The following ARAP3 variants were observed in gnomAD, a reference collection of about 807,000 sequenced individuals.
The protein encoded by ARAP3 is ArfGAP with RhoGAP domain, ankyrin repeat and PH domain 3, also known as arf-GAP with Rho-GAP domain, ANK repeat and PH domain-containing protein 3.
Under a neutral mutation model 169.2 loss-of-function variants are expected in ARAP3, and 82 were observed. The observed-to-expected ratio is 0.48, with a 90% CI of 0.41 to 0.58. The LOEUF (loss-of-function observed/expected upper bound fraction) is 0.58. Ranked by LOEUF, ARAP3 falls within the 20% of genes least tolerant of loss-of-function variation. The pLI is 0.00. For missense variants in ARAP3, 1,764 were observed against 2,018.0 expected (o/e 0.87, Z 2.41); for synonymous variants, 791 against 800.3 (o/e 0.99, Z 0.20).
chr5:141,678,401 G>T (rs2099912499), intron 4 of ARAP3, among the ~76,000 whole-genome samples: 1 of 152,086 alleles, frequency 6.6e-6, no homozygotes, highest in African/African-American at 2.4e-5. Context: ...CCAATCACTT[G>T]CCCTACCGGG....
chr5:141,659,662 T>C lies in ARAP3; in HGVS notation c.3267+117A>G, dbSNP rs547989416. The C allele has an allele frequency of 1.3e-5, 19 of 1,443,376 alleles. No individual in the cohort carries two copies. The East Asian group carries it at 3.7e-4, about 28-fold the overall frequency. 89.4% of individuals were successfully genotyped at this position (1,443,376 alleles called of 1,614,324 possible). A position where few individuals can be genotyped will look rare whatever the true frequency, so the allele number is the denominator to read the frequency against. ...GGGCTCTGGGAGGTAGTTCCTGGTATAGCTGGCCACCAGAGGCCTGGGCTG... is the reference window on the plus strand; with the variant it reads ...GGGCTCTGGGAGGTAGTTCCTGGTACAGCTGGCCACCAGAGGCCTGGGCTG... On this transcript the variant is annotated intron_variant, in intron 22 of 32. Coordinates refer to ENST00000239440, the MANE Select transcript of ARAP3 (RefSeq NM_022481.6).
chr5:141,662,900 TAAC>T (rs1214337707), intron 19 of ARAP3, among the ~76,000 whole-genome samples: 1 of 152,108 alleles, frequency 6.6e-6, no homozygotes, highest in Non-Finnish European at 1.5e-5. Context: ...AGTTCAGTGT[TAAC>T]AAATCAAACA....
At chr5:141,656,977 G>A in intron 25 of ARAP3, 131 bp from the exon 26 acceptor site, 1 of 1,308,350 alleles carries the variant, frequency 7.6e-7, no homozygotes, top group South Asian at 1.5e-5. Flanking sequence ...CTCTATGCCA[G>A]GAACTGTGCT....
In ARAP3 at chr5:141,670,624, G is replaced by A. The variant is rs1317125776; in HGVS notation, c.1995C>T (p.Pro665=). Residue 665 remains proline, a synonymous_variant, in exon 14 of 33, where the codon CCC becomes CCT. Transcript: ENST00000239440. ...GSCPGLLPSD[P]SPGVYNEVVV... ...CCACCTCATTGTACACACCAGGGGAGGGGTCTGCAAGGGGAAGGGGAAGTA... is the reference window on the plus strand; with the variant it reads ...CCACCTCATTGTACACACCAGGGGAAGGGTCTGCAAGGGGAAGGGGAAGTA... The A allele has an allele frequency of 1.2e-6, 2 of 1,613,580 alleles. No individual in the cohort carries two copies. Among genetic ancestry groups the A allele is most frequent in the Non-Finnish European group, 1.7e-6 (2 of 1,179,538 alleles).
In ARAP3 at chr5:141,655,507, G is replaced by C. The variant is rs1310818459; in HGVS notation, c.4111-107C>G. On this transcript the variant is annotated intron_variant, in intron 31 of 32. Transcript: ENST00000239440. ...GAATGGGGGTGAAGAAGGCAGAAGGGAGGGGGACAGTGAGCATAGGGTGGC... is the reference window on the plus strand; with the variant it reads ...GAATGGGGGTGAAGAAGGCAGAAGGCAGGGGGACAGTGAGCATAGGGTGGC... 6.3e-6 allele frequency: 10 copies of C among 1,583,008 alleles called. No individual in the cohort carries two copies. The East Asian group carries it at 1.8e-4, about 28-fold the overall frequency.
At chr5:141,675,337 C>A (rs2099912018) in intron 4 of ARAP3, among the ~76,000 whole-genome samples, 1 of 152,142 alleles carries the variant, frequency 6.6e-6, no homozygotes, top group South Asian at 2.1e-4. Context: ...AGTACATGGG[C>A]TCCACACCAG....
In ARAP3 at chr5:141,653,772, G is replaced by A. The variant is rs2099908838; in HGVS notation, c.*178C>T. The A allele has an allele frequency of 1.4e-6, 1 of 736,664 alleles. No homozygotes were observed. The allele number at this position is 736,664 out of a possible 1,614,324, so 45.6% of individuals were successfully genotyped here. A position where few individuals can be genotyped will look rare whatever the true frequency, so the allele number is the denominator to read the frequency against. ...TAGATAAATGGGCTGGGCCCAGAGA[G>A]GGGCCATGACCTGTCCTGGGACACG... On this transcript the variant is annotated 3_prime_UTR_variant, in exon 33 of 33. Coordinates refer to ENST00000239440, the MANE Select transcript of ARAP3 (RefSeq NM_022481.6).
In ARAP3 at chr5:141,658,427, C is replaced by T. The variant is rs149157017; in HGVS notation, c.3464G>A (p.Arg1155Gln). The T allele has an allele frequency of 9.9e-6, 16 of 1,614,008 alleles. 1 individual carries two copies. The highest frequency in any genetic ancestry group is 6.7e-5 in the East Asian group (3 of 44,884). Reference sequence around the variant, plus strand: ...CAAGTCCATCCCAGCTGCTGTCCCCCGCATCTCCAGTACCTGGTTAGTCAG... The same window carrying T: ...CAAGTCCATCCCAGCTGCTGTCCCCTGCATCTCCAGTACCTGGTTAGTCAG... ...EELTNQVLEM[R>Q]GTAAGMDLWV... Residue 1155 changes from arginine (R) to glutamine (Q), a missense_variant, in exon 25 of 33, where the codon CGG (arginine) becomes CAG (glutamine). By Grantham distance (43) the Arg-to-Gln change is conservative. Around this residue, in one of 3 missense-constraint regions of ARAP3, gnomAD observed 1,112 missense variants for 1,285.7 expected, o/e 0.86. Transcript: ENST00000239440.
At chr5:141,665,245 C>T in intron 18 of ARAP3, 66 bp downstream of exon 18, 1 of 1,593,862 alleles carries the variant, frequency 6.3e-7, no homozygotes, top group Non-Finnish European at 8.6e-7. Context: ...CCCAGCAGGC[C>T]AGGTTGCAGA....
chr5:141,658,457 T>A lies in ARAP3; in HGVS notation c.3434A>T (p.Glu1145Val). The A allele has an allele frequency of 6.2e-7, 1 of 1,614,118 alleles. No homozygotes were observed. The highest frequency in any genetic ancestry group is 1.1e-5 in the South Asian group (1 of 91,070). ...CTCCAGTACCTGGTTAGTCAGCTCC[T>A]CAGCAGTCAGGGTTGGGGACACCTG... ...TLKVSPTLTA[E>V]ELTNQVLEMR... Residue 1145 changes from glutamate to valine, a missense_variant, in exon 25 of 33, where the codon GAG becomes GTG. By Grantham distance (121) the Glu-to-Val change is moderately radical. Around this residue, in one of 3 missense-constraint regions of ARAP3, gnomAD observed 1,112 missense variants for 1,285.7 expected, o/e 0.86. Coordinates refer to ENST00000239440, the MANE Select transcript of ARAP3 (RefSeq NM_022481.6).
chr5:141,661,939 C>A, intron 20 of ARAP3, 104 bp downstream of exon 20: 6 of 1,530,450 alleles, frequency 3.9e-6, no homozygotes, highest in Non-Finnish European at 3.6e-6. Context: ...GGATGATCCC[C>A]CAGGGTGGGA....
At position 141,672,156 on chromosome 5, in the gene ARAP3, G is replaced by A. The variant is rs748478374; in HGVS notation, c.1531C>T (p.Arg511Cys). 2.7e-5 allele frequency: 43 copies of A among 1,614,050 alleles called. No individual in the cohort carries two copies. The highest frequency in any genetic ancestry group is 2.0e-4 in the East Asian group (9 of 44,880). ...NRQCADCGSS[R>C]PDWAAVNLGV... ...AAATTGACAGCAGCCCAATCTGGGC[G>A]GGAGGACCCACAGTCCGCACACTGC... The change falls in exon 10 of 33, where the codon CGC becomes TGC. Residue 511 changes from arginine (R) to cysteine (C), a missense_variant. Arg to Cys is a radical substitution (Grantham distance 180). Around this residue, in one of 3 missense-constraint regions of ARAP3, gnomAD observed 630 missense variants for 678.7 expected, o/e 0.93. Transcript: ENST00000239440. The surrounding 1 kb of genome is among the most constrained non-coding windows in gnomAD (Gnocchi z 4.9).
rs780943878 is a variant in ARAP3 at position 141,673,766 on chromosome 5, A to G, written c.741T>C (p.Tyr247=). ...AGTCTCCAGGTAGCTCAAGGCTGGCATAGCCAGCATCCTCCCGTGCCTCCA... is the reference window on the plus strand; with the variant it reads ...AGTCTCCAGGTAGCTCAAGGCTGGCGTAGCCAGCATCCTCCCGTGCCTCCA... ...QDLEAREDAG[Y]ASLELPGDST... Residue 247 remains tyrosine, a synonymous_variant, in exon 5 of 33, where the codon TAT becomes TAC. Coordinates refer to ENST00000239440, the MANE Select transcript of ARAP3 (RefSeq NM_022481.6). 1 of 1,614,154 alleles carries G rather than the reference A, an allele frequency of 6.2e-7. No homozygotes were observed. The highest frequency in any genetic ancestry group is 1.1e-5 in the South Asian group (1 of 91,090).
rs2099911628 is a variant in ARAP3, at chr5:141,672,820, A to C, written c.1199T>G (p.Met400Arg). 1 of 1,222,526 alleles carries C rather than the reference A, an allele frequency of 8.2e-7. No individual in the cohort carries two copies. The highest frequency in any genetic ancestry group is 1.1e-6 in the Non-Finnish European group (1 of 880,170). 75.7% of individuals were successfully genotyped at this position (1,222,526 alleles called of 1,614,324 possible). A position where few individuals can be genotyped will look rare whatever the true frequency, so the allele number is the denominator to read the frequency against. Residue 400 changes from methionine (M) to arginine (R), a missense_variant, in exon 8 of 33, where the codon ATG (methionine) becomes AGG (arginine). Met to Arg is a moderately conservative substitution (Grantham distance 91). This residue lies in a region of ARAP3 where 630 missense variants were observed against 678.7 expected (regional missense o/e 0.93). Transcript: ENST00000239440. This position sits in a 1 kb window ranked among gnomAD's most constrained non-coding sequence, Gnocchi z 4.9. Reference sequence around the variant, plus strand: ...GGCCTTGTGTCCACGCAGCTCCAGCATGCCCGTGCGGAGGGGTCGGGGTGG... The same window carrying C: ...GGCCTTGTGTCCACGCAGCTCCAGCCTGCCCGTGCGGAGGGGTCGGGGTGG... Reference protein sequence around the residue: ...PQPPRPLRTGMLELRGHKAKV... With the variant: ...PQPPRPLRTGRLELRGHKAKV...
intron 31 of ARAP3, 100 bp downstream of exon 31, chr5:141,655,521 G>T: frequency 6.3e-7 from 1 of 1,593,708 alleles, no homozygotes; most frequent in Non-Finnish European, 8.6e-7. Flanking sequence ...GGGACAGTGA[G>T]CATAGGGTGG....
Position 141,680,091 on chromosome 5 carries a change from G to T in ARAP3, c.396C>A (p.Ser132Arg). ...GPGVSRSPEP[S>R]PRPPPLPTSS... Reference sequence around the variant, plus strand: ...AAGTGGGGAGAGGAGGAGGCCTTGGGCTGGGCTCTGGGCTCCTGGACACTC... The same window carrying T: ...AAGTGGGGAGAGGAGGAGGCCTTGGTCTGGGCTCTGGGCTCCTGGACACTC... Residue 132 changes from serine to arginine, a missense_variant, in exon 2 of 33, where the codon AGC (serine) becomes AGA (arginine). Coordinates refer to ENST00000239440, the MANE Select transcript of ARAP3 (RefSeq NM_022481.6). 1 of 1,613,670 alleles carries T rather than the reference G, an allele frequency of 6.2e-7. No homozygotes were observed. The highest frequency in any genetic ancestry group is 1.7e-4 in the Middle Eastern group (1 of 6,060).
At position 141,665,375 on chromosome 5, in the gene ARAP3, C is replaced by G. The variant is rs1295800217; in HGVS notation, c.2573-1G>C. The stretch of plus-strand genomic sequence containing the variant: ...GGGGTGTCAGCTGCAGAAACCACAC[C>G]TGGGAGGAGAATCAGTGGACATTTT... On this transcript the variant is annotated splice_acceptor_variant, in intron 17 of 32. Transcript: ENST00000239440. LOFTEE classifies it high-confidence loss of function. 1.9e-6 allele frequency: 3 copies of G among 1,613,984 alleles called. No individual in the cohort carries two copies. The African/African-American group carries it at 4.0e-5, about 22-fold the overall frequency.
chr5:141,674,704 G>A (rs1192356697), intron 4 of ARAP3, among the ~76,000 whole-genome samples: 9 of 152,178 alleles, frequency 5.9e-5, no homozygotes, highest in Non-Finnish European at 8.8e-5. Flanking sequence ...TGGAAAAGAC[G>A]GGGAAGGGCT....
chr5:141,672,287 G>C lies in ARAP3; in HGVS notation c.1400C>G (p.Ser467Cys), dbSNP rs2099911554. The C allele has an allele frequency of 6.2e-7, 1 of 1,613,994 alleles. No homozygotes were observed. Among genetic ancestry groups the C allele is most frequent in the Non-Finnish European group, 8.5e-7 (1 of 1,180,028 alleles). ...CGCCCAGCTCTGCCGAGCACCCCCA[G>C]ACTCGGCTGTGAAGCTGAGGGGTGG... ...PHRCFSFTAE[S>C]GGARQSWAAA... The change falls in exon 10 of 33, where the codon TCT (serine) becomes TGT (cysteine). Residue 467 changes from serine (S) to cysteine (C), a missense_variant. Around this residue, in one of 3 missense-constraint regions of ARAP3, gnomAD observed 630 missense variants for 678.7 expected, o/e 0.93. Coordinates refer to ENST00000239440, the MANE Select transcript of ARAP3 (RefSeq NM_022481.6). The surrounding 1 kb of genome is among the most constrained non-coding windows in gnomAD (Gnocchi z 4.9).
Sources: allele counts gnomAD v4.1 joint callset (sites outside exome capture counted in the v4.1 genomes callset), GRCh38; gene constraint gnomAD v4.1.1; regional missense constraint gnomAD v4.1.1; non-coding constraint Gnocchi (gnomAD v3.1); transcripts MANE v1.5; gene names NCBI Gene and HGNC (gene_info 2026-07-23, HGNC 2026-07-21).